The following KCNH1 variants were observed in gnomAD, a reference collection of about 807,000 sequenced individuals.
KCNH1 encodes the protein voltage-gated delayed rectifier potassium channel KCNH1.
A neutral mutation model predicts 69.2 loss-of-function variants in KCNH1; 27 were observed. The ratio of observed to expected loss-of-function variants is 0.39; its 90% confidence interval spans 0.29 to 0.54. The LOEUF (loss-of-function observed/expected upper bound fraction) is 0.54, where lower values mean the gene tolerates loss of function less well. Among genes scored for constraint, KCNH1 ranks in the 20% least tolerant of loss-of-function variants. KCNH1 has a pLI of 0.68. For missense variants in KCNH1, 798 were observed against 1,261.6 expected, an observed-to-expected ratio of 0.63 and a Z score of 5.57; for synonymous variants, 456 against 487.7, an observed-to-expected ratio of 0.93 and a Z score of 0.86.
At chr1:210,851,247 A>C (rs1487502324) in intron 7 of KCNH1, among the ~76,000 whole-genome samples, 1 of 152,220 alleles carries the variant, frequency 6.6e-6, no homozygotes, top group African/African-American at 2.4e-5. Flanking sequence ...TGTCTCCCTC[A>C]AAGTGTTCTT....
chr1:210,769,557 A>T (rs777205843), intron 10 of KCNH1, among the ~76,000 whole-genome samples: 16 of 152,096 alleles, frequency 1.1e-4, no homozygotes, highest in Admixed American at 9.2e-4. Context: ...CACAAAACAA[A>T]CTCTATACAC....
intron 6 of KCNH1, among the ~76,000 whole-genome samples, chr1:210,955,166 C>T (rs896637186): frequency 3.9e-5 from 6 of 152,174 alleles, no homozygotes; most frequent in African/African-American, 1.4e-4. Context: ...GGAATCCTTT[C>T]CCCATTTCTT....
At chr1:211,055,881 G>A (rs1354502543) in intron 5 of KCNH1, among the ~76,000 whole-genome samples, 2 of 152,202 alleles carry the variant, frequency 1.3e-5, no homozygotes, top group African/African-American at 2.4e-5. Context: ...GCTGACTACA[G>A]AAGACTTGGG....
At chr1:211,071,928 GA>G (rs1282564954) in intron 5 of KCNH1, among the ~76,000 whole-genome samples, 5 of 150,664 alleles carry the variant, frequency 3.3e-5, no homozygotes, top group African/African-American at 1.2e-4. Flanking sequence ...GAGTTGGGAG[GA>G]AAAAAAAACC....
At chr1:210,939,007 T>C (rs193191168) in intron 6 of KCNH1, among the ~76,000 whole-genome samples, 1 of 152,246 alleles carries the variant, frequency 6.6e-6, no homozygotes, top group African/African-American at 2.4e-5. Context: ...GATGAAAAAT[T>C]GAGAACTGCT....
At chr1:210,751,364 G>A (rs1683281119) in intron 10 of KCNH1, among the ~76,000 whole-genome samples, 1 of 152,204 alleles carries the variant, frequency 6.6e-6, no homozygotes, top group African/African-American at 2.4e-5. Flanking sequence ...CACGAAGAAA[G>A]CAGTTTTAGT....
At chr1:210,958,022 A>T (rs955231176) in intron 6 of KCNH1, among the ~76,000 whole-genome samples, 2 of 152,080 alleles carry the variant, frequency 1.3e-5, no homozygotes, top group African/African-American at 4.8e-5. Context: ...TGATCTTTAC[A>T]ATTTGGCATG....
At chr1:211,042,995 T>C (rs1176750252) in intron 5 of KCNH1, among the ~76,000 whole-genome samples, 2 of 152,060 alleles carry the variant, frequency 1.3e-5, no homozygotes, top group Non-Finnish European at 2.9e-5. Context: ...CCAAAATGCC[T>C]ACATCAAAAA....
At chr1:211,042,250 T>C (rs1175854527) in intron 5 of KCNH1, among the ~76,000 whole-genome samples, 2 of 152,194 alleles carry the variant, frequency 1.3e-5, no homozygotes, top group African/African-American at 2.4e-5. Flanking sequence ...TACTTTCTAT[T>C]TATCAACAGG....
At chr1:210,861,988 A>G in intron 7 of KCNH1, 1 of 760,946 alleles carries the variant, frequency 1.3e-6, no homozygotes, top group Non-Finnish European at 2.4e-6. Flanking sequence ...AGGAGGATGG[A>G]TAATGGCTTC....
intron 7 of KCNH1, chr1:210,861,899 C>A (rs1009804019): frequency 3.9e-6 from 3 of 768,622 alleles, no homozygotes; most frequent in Non-Finnish European, 7.3e-6. Flanking sequence ...GTTTTGTCCA[C>A]AATGGCAGTC....
intron 7 of KCNH1, among the ~76,000 whole-genome samples, chr1:210,805,392 A>G (rs143905578): frequency 1.3e-5 from 2 of 152,298 alleles, no homozygotes; most frequent in African/African-American, 4.8e-5. Flanking sequence ...CATCACCACT[A>G]TCAAAATAGT....
chr1:211,006,268 G>A (rs1235487853), intron 6 of KCNH1, among the ~76,000 whole-genome samples: 1 of 152,106 alleles, frequency 6.6e-6, no homozygotes, highest in Non-Finnish European at 1.5e-5. Flanking sequence ...GGTATTAAGA[G>A]TATGAATAAT....
intron 7 of KCNH1, among the ~76,000 whole-genome samples, chr1:210,886,336 AG>A (rs1686605323): frequency 6.6e-6 from 1 of 152,220 alleles, no homozygotes; most frequent in South Asian, 2.1e-4. Context: ...ACAAACAGAA[AG>A]GAATGGCAAC....
intron 5 of KCNH1, among the ~76,000 whole-genome samples, chr1:211,032,940 A>G (rs1174062497): frequency 6.6e-6 from 1 of 152,236 alleles, no homozygotes; most frequent in East Asian, 1.9e-4. Flanking sequence ...GAGCTTCTGC[A>G]CAGCAAAAGA....
chr1:211,134,067 G>T lies in KCNH1; in HGVS notation c.-122C>A. The T allele has an allele frequency of 6.3e-6, 5 of 788,288 alleles. No individual in the cohort carries two copies. The highest frequency in any genetic ancestry group is 1.0e-5 in the Non-Finnish European group (5 of 487,372). The allele number at this position is 788,288 out of a possible 1,614,324, so 48.8% of individuals were successfully genotyped here. On this transcript the variant is annotated 5_prime_UTR_variant, in exon 1 of 11. Coordinates refer to ENST00000271751, the MANE Select transcript of KCNH1 (RefSeq NM_172362.3). The surrounding 1 kb of genome is among the most constrained non-coding windows in gnomAD (Gnocchi z 5.7). ...CGCCCCATGCGCCCGGCGGGGATCCGCAGGCAGGGCTGGCGGCTCCCTCTG... is the reference window on the plus strand; with the variant it reads ...CGCCCCATGCGCCCGGCGGGGATCCTCAGGCAGGGCTGGCGGCTCCCTCTG...
chr1:210,956,662 A>C (rs141309499), intron 6 of KCNH1, among the ~76,000 whole-genome samples: 32 of 151,972 alleles, frequency 2.1e-4, no homozygotes, highest in African/African-American at 7.0e-4. Flanking sequence ...GTGTCCAGGA[A>C]TTTATCCATT....
At chr1:211,130,972 T>A (rs551264724) in intron 1 of KCNH1, among the ~76,000 whole-genome samples, 3 of 152,336 alleles carry the variant, frequency 2.0e-5, no homozygotes, top group South Asian at 4.1e-4. Flanking sequence ...TGTTATAACA[T>A]TTTATTTAAT....
intron 6 of KCNH1, among the ~76,000 whole-genome samples, chr1:210,999,920 A>G (rs574116889): frequency 3.3e-5 from 5 of 152,208 alleles, no homozygotes; most frequent in Non-Finnish European, 7.3e-5. Context: ...AAACCACATG[A>G]TTATCTCAAT....
Sources: allele counts gnomAD v4.1 joint callset (sites outside exome capture counted in the v4.1 genomes callset), GRCh38; gene constraint gnomAD v4.1.1; non-coding constraint Gnocchi (gnomAD v3.1); transcripts MANE v1.5; gene names NCBI Gene and HGNC (gene_info 2026-07-23, HGNC 2026-07-21).